Variants in SUSD1 observed in about 807,000 individuals in gnomAD.
SUSD1 encodes sushi domain containing 1, also known as sushi domain-containing protein 1.
SUSD1 carries 65 observed loss-of-function variants against 86.9 expected under a neutral mutation model. That is an observed-to-expected ratio of 0.75 (90% confidence interval 0.61 to 0.92). The LOEUF is 0.92. Ranked by LOEUF, SUSD1 falls within the 40% of genes least tolerant of loss-of-function variation. The pLI is 0.00. For missense variants in SUSD1, 850 were observed against 929.7 expected (o/e 0.91, Z 1.11); for synonymous variants, 346 against 350.0 (o/e 0.99, Z 0.13).
At chr9:112,057,503 G>A (rs1296077199) in intron 14 of SUSD1, among the ~76,000 whole-genome samples, 2 of 152,180 alleles carry the variant, frequency 1.3e-5, no homozygotes, top group Non-Finnish European at 2.9e-5. Context: ...TTTTTGGTAA[G>A]TTCAGGGCAA....
chr9:112,042,148 T>G (rs536254810), intron 15 of SUSD1, 188 bp from the exon 16 acceptor site: 1 of 1,538,454 alleles, frequency 6.5e-7, no homozygotes, highest in East Asian at 2.4e-5. Flanking sequence ...CTCAGGAAAT[T>G]ACAGTTACAA....
intron 12 of SUSD1, among the ~76,000 whole-genome samples, chr9:112,070,309 T>C (rs930539595): frequency 6.6e-6 from 1 of 152,144 alleles, no homozygotes; most frequent in African/African-American, 2.4e-5. Context: ...GCCCAGCCGC[T>C]GCCTTATATT....
At chr9:112,118,767 G>T (rs1238034866) in intron 6 of SUSD1, among the ~76,000 whole-genome samples, 1 of 152,162 alleles carries the variant, frequency 6.6e-6, no homozygotes, top group Non-Finnish European at 1.5e-5. Flanking sequence ...TTACAGGCGT[G>T]AGCCACCGCG....
chr9:112,104,581 C>T (rs1830759019), intron 8 of SUSD1: 1 of 152,080 alleles, frequency 6.6e-6, no homozygotes. Flanking sequence ...AAGCCAGGCC[C>T]AAAGCCAACA....
intron 10 of SUSD1, among the ~76,000 whole-genome samples, chr9:112,085,697 T>C (rs917894967): frequency 2.6e-5 from 4 of 152,118 alleles, no homozygotes; most frequent in African/African-American, 9.7e-5. Flanking sequence ...GGGAGTGGGC[T>C]CCAGGTAGAA....
At chr9:112,049,151 C>A (rs1828082403) in intron 15 of SUSD1, among the ~76,000 whole-genome samples, 1 of 152,128 alleles carries the variant, frequency 6.6e-6, no homozygotes, top group African/African-American at 2.4e-5. Context: ...GTAGGAAGGC[C>A]TATGCTCAGG....
intron 8 of SUSD1, among the ~76,000 whole-genome samples, chr9:112,107,537 C>A (rs1162408003): frequency 1.3e-5 from 2 of 151,892 alleles, no homozygotes; most frequent in Admixed American, 6.6e-5. Flanking sequence ...CTTATCTAAT[C>A]AAAAATAAAA....
chr9:112,058,807 T>A, intron 13 of SUSD1, 121 bp from the exon 14 acceptor site: 1 of 1,275,604 alleles, frequency 7.8e-7, no homozygotes. Flanking sequence ...GTTTTTTGTT[T>A]TTTTTGAGAT....
intron 5 of SUSD1, among the ~76,000 whole-genome samples, chr9:112,137,204 C>T (rs1832302606): frequency 6.6e-6 from 1 of 152,128 alleles, no homozygotes; most frequent in Non-Finnish European, 1.5e-5. Context: ...CTTTGGAAAC[C>T]ATGTGCTCAG....
intron 1 of SUSD1, among the ~76,000 whole-genome samples, chr9:112,171,507 G>A (rs1341491985): frequency 6.6e-6 from 1 of 152,166 alleles, no homozygotes; most frequent in Non-Finnish European, 1.5e-5. Context: ...ACCAAGGCAC[G>A]GAATATGGTA....
chr9:112,121,507 C>A (rs932761763), intron 6 of SUSD1, among the ~76,000 whole-genome samples: 3 of 152,204 alleles, frequency 2.0e-5, no homozygotes, highest in African/African-American at 7.2e-5. Flanking sequence ...AAGTACCTGA[C>A]AAATAGTGTA....
At chr9:112,063,337 G>A (rs1828818573) in intron 12 of SUSD1, among the ~76,000 whole-genome samples, 1 of 152,186 alleles carries the variant, frequency 6.6e-6, no homozygotes, top group South Asian at 2.1e-4. Flanking sequence ...TGGTCACAGA[G>A]GTTCTCCTTG....
At chr9:112,066,444 A>G (rs562898984) in intron 12 of SUSD1, among the ~76,000 whole-genome samples, 1 of 152,288 alleles carries the variant, frequency 6.6e-6, no homozygotes, top group Admixed American at 6.5e-5. Flanking sequence ...GTAATATAGA[A>G]AGAGGGTTCC....
chr9:112,059,640 A>C (rs2118969086), intron 13 of SUSD1, among the ~76,000 whole-genome samples: 1 of 152,352 alleles, frequency 6.6e-6, no homozygotes, highest in African/African-American at 2.4e-5. Flanking sequence ...TGCACTGTAA[A>C]AACTGTTCCC....
rs546999693 is a variant in SUSD1, at chr9:112,091,566, T to C, written c.1474+6904A>G. ...TGCTAAAAAGAACTGAATAAAAACA[T>C]TCTTTTGTACATAAATAATAGCGGT... On this transcript the variant is annotated intron_variant, in intron 10 of 16. Transcript: ENST00000374270. 2.0e-5 allele frequency among the ~76,000 whole-genome samples: 3 copies of C among 152,330 alleles called. No homozygotes were observed. In the South Asian group the frequency reaches 6.2e-4, roughly 32 times the overall value.
In SUSD1 at chr9:112,080,177, A is replaced by ATTGATTTCTCATTTCTTTTCCACTAC; in HGVS notation, c.1475-13_1475-12insGTAGTGGAAAAGAAATGAGAAATCAA. ...GATGGTCTGTTTTACTGTAGTGGAAAAGAAATGAGAAATCAATTTACACTC... is the reference window on the plus strand; with the variant it reads ...GATGGTCTGTTTTACTGTAGTGGAAATTGATTTCTCATTTCTTTTCCACTACAGAAATGAGAAATCAATTTACACTC... On this transcript the variant is annotated splice_polypyrimidine_tract_variant and intron_variant, in intron 10 of 16. Coordinates refer to ENST00000374270, the MANE Select transcript of SUSD1 (RefSeq NM_022486.5). 1 of 1,588,062 alleles carries ATTGATTTCTCATTTCTTTTCCACTAC rather than the reference A, an allele frequency of 6.3e-7. No homozygotes were observed. Among genetic ancestry groups the ATTGATTTCTCATTTCTTTTCCACTAC allele is most frequent in the Non-Finnish European group, 8.6e-7 (1 of 1,156,948 alleles).
intron 12 of SUSD1, among the ~76,000 whole-genome samples, chr9:112,069,803 C>G (rs534353446): frequency 6.6e-6 from 1 of 151,598 alleles, no homozygotes; most frequent in South Asian, 2.1e-4. Flanking sequence ...TCACTGAGCT[C>G]AGAAGAGGCA....
intron 6 of SUSD1, 92 bp from the exon 7 acceptor site, chr9:112,112,960 C>T: frequency 1.3e-6 from 1 of 741,754 alleles, no homozygotes; most frequent in South Asian, 1.5e-5. Context: ...TAGCTGGTAT[C>T]TCTGCTGGTC....
chr9:112,059,315 T>C (rs1051587601), intron 13 of SUSD1, among the ~76,000 whole-genome samples: 4 of 152,238 alleles, frequency 2.6e-5, no homozygotes, highest in African/African-American at 7.2e-5. Flanking sequence ...CAAGTATCAC[T>C]GCCCTGTGTG....
Sources: allele counts gnomAD v4.1 joint callset (sites outside exome capture counted in the v4.1 genomes callset), GRCh38; gene constraint gnomAD v4.1.1; transcripts MANE v1.5; gene names NCBI Gene and HGNC (gene_info 2026-07-23, HGNC 2026-07-21).